The following TBC1D23 variants were observed in gnomAD, a reference collection of about 807,000 sequenced individuals.
TBC1D23 encodes TBC1 domain family member 23.
In TBC1D23, 55 loss-of-function variants were observed where a neutral mutation model predicts 91.4. The ratio of observed to expected loss-of-function variants is 0.60; its 90% confidence interval spans 0.48 to 0.75. The LOEUF (loss-of-function observed/expected upper bound fraction) is 0.75. TBC1D23 is among the 30% of genes least tolerant of loss of function. TBC1D23 has a pLI of 0.00. For missense variants in TBC1D23, 725 were observed against 836.1 expected, an observed-to-expected ratio of 0.87 and a Z score of 1.64; for synonymous variants, 289 against 281.0, an observed-to-expected ratio of 1.03 and a Z score of -0.28.
intron 18 of TBC1D23, among the ~76,000 whole-genome samples, chr3:100,323,103 G>A (rs1705892300): frequency 1.3e-5 from 2 of 152,172 alleles, no homozygotes; most frequent in South Asian, 4.1e-4. Flanking sequence ...GTAAAGTTTG[G>A]ATAACTATAG....
intron 5 of TBC1D23, among the ~76,000 whole-genome samples, chr3:100,291,926 C>T (rs887456078): frequency 5.9e-5 from 9 of 151,726 alleles, no homozygotes; most frequent in East Asian, 5.8e-4. Context: ...CCACCATGCC[C>T]GGCTAATTTT....
chr3:100,278,152 G>T (rs1460607306), intron 1 of TBC1D23, among the ~76,000 whole-genome samples: 1 of 151,942 alleles, frequency 6.6e-6, no homozygotes, highest in Admixed American at 6.6e-5. Flanking sequence ...CATTGTCTTA[G>T]TGAAAAAAAT....
In TBC1D23 at chr3:100,293,706, G is replaced by T. The variant is rs188258189; in HGVS notation, c.601-1381G>T. Among the ~76,000 whole-genome samples the T allele has an allele frequency of 1.8e-3, 273 of 152,218 alleles. 1 individual carries two copies. Among genetic ancestry groups the T allele is most frequent in the Middle Eastern group, 0.017 (5 of 294 alleles). On this transcript the variant is annotated intron_variant, in intron 5 of 18. Coordinates refer to ENST00000394144, the MANE Select transcript of TBC1D23 (RefSeq NM_001199198.3). The stretch of plus-strand genomic sequence containing the variant: ...AAAAGCCTTGTGGTCAAGTGTGATG[G>T]CAATTACATGGGCTGTGGAATCTCA...
Position 100,261,069 on chromosome 3 carries a change from C to T in TBC1D23, c.51C>T (p.Gly17=), listed in dbSNP as rs766527451. The T allele has an allele frequency of 1.2e-6, 2 of 1,613,506 alleles. No homozygotes were observed. Reference sequence around the variant, plus strand: ...CGCTGCCAACGTCGAGCGGCGACGGCTGGTGAGTGAAAGCCGGGGCTAATT... The same window carrying T: ...CGCTGCCAACGTCGAGCGGCGACGGTTGGTGAGTGAAAGCCGGGGCTAATT... ...VPPLPTSSGD[G]WEKDLEEALE... is the part of the protein sequence containing the mutation. The change falls in exon 1 of 19, where the codon GGC becomes GGT. Residue 17 remains glycine, a splice_region_variant and synonymous_variant. Coordinates refer to ENST00000394144, the MANE Select transcript of TBC1D23 (RefSeq NM_001199198.3).
chr3:100,302,681 G>T (rs1304550899), intron 11 of TBC1D23, among the ~76,000 whole-genome samples: 3 of 152,114 alleles, frequency 2.0e-5, no homozygotes, highest in African/African-American at 7.2e-5. Context: ...CTGCATCCTG[G>T]ATTCAAACAA....
At chr3:100,319,856 C>T (rs150931364) in intron 17 of TBC1D23, among the ~76,000 whole-genome samples, 82 of 152,222 alleles carry the variant, frequency 5.4e-4, no homozygotes, top group Admixed American at 1.8e-3. Context: ...AAATGTGACA[C>T]TTCATCCCTA....
chr3:100,315,982 T>C, intron 15 of TBC1D23, 117 bp from the exon 16 acceptor site: 4 of 774,936 alleles, frequency 5.2e-6, no homozygotes, highest in Non-Finnish European at 8.9e-6. Flanking sequence ...ACATGGGGTT[T>C]TGGGGGGGTC....
intron 9 of TBC1D23, among the ~76,000 whole-genome samples, chr3:100,298,859 G>A (rs1164193088): frequency 2.0e-5 from 3 of 152,174 alleles, no homozygotes; most frequent in African/African-American, 7.2e-5. Flanking sequence ...GAATTGAGCT[G>A]TTGATAAATT....
intron 1 of TBC1D23, among the ~76,000 whole-genome samples, chr3:100,265,101 G>A (rs2067547192): frequency 6.6e-6 from 1 of 152,182 alleles, no homozygotes; most frequent in African/African-American, 2.4e-5. Flanking sequence ...TAAAATATGT[G>A]TAATTACATG....
chr3:100,264,899 CTG>C (rs2067545658), intron 1 of TBC1D23, among the ~76,000 whole-genome samples: 1 of 152,148 alleles, frequency 6.6e-6, no homozygotes, highest in Non-Finnish European at 1.5e-5. Flanking sequence ...CTCCAGGTAA[CTG>C]TGATTGTGAT....
At chr3:100,308,098 G>T (rs1288632283) in intron 13 of TBC1D23, among the ~76,000 whole-genome samples, 2 of 152,164 alleles carry the variant, frequency 1.3e-5, no homozygotes, top group Admixed American at 1.3e-4. Flanking sequence ...AAGTACCAAA[G>T]AATTTTTACA....
chr3:100,319,038 A>G (rs1286941098), intron 16 of TBC1D23, 31 bp from the exon 17 acceptor site: 2 of 1,396,138 alleles, frequency 1.4e-6, no homozygotes, highest in East Asian at 4.7e-5. Flanking sequence ...AGTTGGTAAT[A>G]TCCATATTTA....
intron 1 of TBC1D23, among the ~76,000 whole-genome samples, chr3:100,274,580 C>T (rs2067629158): frequency 6.6e-6 from 1 of 151,874 alleles, no homozygotes; most frequent in Admixed American, 6.6e-5. Flanking sequence ...TCTCCCCTCC[C>T]TCTGCCCTGG....
chr3:100,296,381 C>T, intron 8 of TBC1D23, 106 bp downstream of exon 8: 2 of 644,714 alleles, frequency 3.1e-6, no homozygotes, highest in Non-Finnish European at 5.2e-6. Flanking sequence ...TTTTCTGTTT[C>T]TTTATGTGTT....
At chr3:100,293,553 C>T (rs982175286) in intron 5 of TBC1D23, among the ~76,000 whole-genome samples, 7 of 152,178 alleles carry the variant, frequency 4.6e-5, no homozygotes, top group African/African-American at 1.4e-4. Flanking sequence ...TGGTAACTTT[C>T]GTTGAGCTAA....
At chr3:100,309,072 C>T (rs1167032411) in intron 13 of TBC1D23, among the ~76,000 whole-genome samples, 1 of 152,128 alleles carries the variant, frequency 6.6e-6, no homozygotes, top group Non-Finnish European at 1.5e-5. Flanking sequence ...ATTCAGGAGA[C>T]TGAGGCAGGG....
intron 15 of TBC1D23, chr3:100,315,887 C>T: frequency 3.6e-6 from 2 of 554,070 alleles, no homozygotes; most frequent in Non-Finnish European, 6.4e-6. Context: ...TTCAGCCTAC[C>T]AAGGCCTTAT....
intron 1 of TBC1D23, among the ~76,000 whole-genome samples, chr3:100,267,853 G>C (rs2067569323): frequency 6.6e-6 from 1 of 152,094 alleles, no homozygotes; most frequent in African/African-American, 2.4e-5. Flanking sequence ...ATCTCATTTG[G>C]ATCTTAAAAC....
Position 100,319,117 on chromosome 3 carries a change from T to C in TBC1D23, c.1736T>C (p.Val579Ala). 6.2e-7 allele frequency: 1 copy of C among 1,600,196 alleles called. No individual in the cohort carries two copies. Among genetic ancestry groups the C allele is most frequent in the Non-Finnish European group, 8.5e-7 (1 of 1,169,954 alleles). The change falls in exon 17 of 19, where the codon GTA (valine) becomes GCA (alanine). Residue 579 changes from valine to alanine, a missense_variant. Val to Ala is a moderately conservative substitution (Grantham distance 64, BLOSUM62 0). Transcript: ENST00000394144. ...SMSDDDRKEV[V>A]NIQTWINKPD... ...TCAGATGATGATAGAAAAGAGGTTGTAAACATTCAGACTTGGATAAACAAA... is the reference window on the plus strand; with the variant it reads ...TCAGATGATGATAGAAAAGAGGTTGCAAACATTCAGACTTGGATAAACAAA...
Sources: allele counts gnomAD v4.1 joint callset (sites outside exome capture counted in the v4.1 genomes callset), GRCh38; gene constraint gnomAD v4.1.1; transcripts MANE v1.5; gene names NCBI Gene and HGNC (gene_info 2026-07-23, HGNC 2026-07-21).